The following DROSHA variants were observed in gnomAD, a reference collection of about 807,000 sequenced individuals.
The protein encoded by DROSHA is ribonuclease 3.
In DROSHA, 56 loss-of-function variants were observed where a neutral mutation model predicts 181.9. That is an observed-to-expected ratio of 0.31 (90% CI 0.25 to 0.38). The LOEUF (loss-of-function observed/expected upper bound fraction) is 0.38, where lower values mean the gene tolerates loss of function less well. DROSHA is among the 10% of genes least tolerant of loss of function. The pLI, the probability that DROSHA is intolerant of heterozygous loss-of-function variation, is 1.00. For missense variants in DROSHA, 1,218 were observed against 1,743.5 expected, an observed-to-expected ratio of 0.70 and a Z score of 5.37; for synonymous variants, 524 against 591.2, an observed-to-expected ratio of 0.89 and a Z score of 1.65.
intron 30 of DROSHA, among the ~76,000 whole-genome samples, chr5:31,413,615 G>T (rs1350980929): frequency 6.6e-6 from 1 of 152,220 alleles, no homozygotes; most frequent in Non-Finnish European, 1.5e-5. Context: ...ATCCTGAGAG[G>T]AGCAACGTGC....
chr5:31,474,337 C>T (rs1013022380), intron 16 of DROSHA, among the ~76,000 whole-genome samples: 34 of 151,836 alleles, frequency 2.2e-4, no homozygotes, highest in Non-Finnish European at 1.5e-5. Context: ...TGTTTGTGTT[C>T]CCCCAAATTT....
chr5:31,404,665 C>G (rs891940421), intron 35 of DROSHA, among the ~76,000 whole-genome samples: 1 of 152,188 alleles, frequency 6.6e-6, no homozygotes, highest in Admixed American at 6.5e-5. Flanking sequence ...GCACTTAAGC[C>G]TTCAGTTTAC....
intron 23 of DROSHA, among the ~76,000 whole-genome samples, chr5:31,441,900 C>T (rs1266097061): frequency 6.6e-6 from 1 of 152,132 alleles, no homozygotes; most frequent in Non-Finnish European, 1.5e-5. Flanking sequence ...AAGCAAGAAA[C>T]TGGGGACAAA....
At chr5:31,498,290 G>A (rs1381202048) in intron 11 of DROSHA, among the ~76,000 whole-genome samples, 1 of 151,884 alleles carries the variant, frequency 6.6e-6, no homozygotes, top group Non-Finnish European at 1.5e-5. Context: ...CTCCAGAGGG[G>A]GTTCAGACTA....
At chr5:31,510,724 G>C (rs1352365581) in intron 9 of DROSHA, among the ~76,000 whole-genome samples, 1 of 152,216 alleles carries the variant, frequency 6.6e-6, no homozygotes, top group Non-Finnish European at 1.5e-5. Flanking sequence ...CTGTCCTCAT[G>C]AGAGGCAGGG....
At chr5:31,453,325 CCA>C (rs1747254237) in intron 20 of DROSHA, among the ~76,000 whole-genome samples, 1 of 152,138 alleles carries the variant, frequency 6.6e-6, no homozygotes, top group South Asian at 2.1e-4. Flanking sequence ...CCACCAAACC[CCA>C]GTAGCTGGGA....
chr5:31,412,898 G>T (rs1741484550), intron 30 of DROSHA, among the ~76,000 whole-genome samples: 1 of 152,178 alleles, frequency 6.6e-6, no homozygotes, highest in African/African-American at 2.4e-5. Flanking sequence ...CTAAAGTAGA[G>T]GCTGTGGGGG....
At chr5:31,489,605 CT>C (rs1226139319) in intron 13 of DROSHA, among the ~76,000 whole-genome samples, 1 of 152,180 alleles carries the variant, frequency 6.6e-6, no homozygotes, top group Non-Finnish European at 1.5e-5. Context: ...ATATAAATGA[CT>C]ACCATCATGT....
In DROSHA at chr5:31,485,773, G is replaced by A. The variant is rs74623638; in HGVS notation, c.1914+718C>T. On this transcript the variant is annotated intron_variant, in intron 14 of 35. Coordinates refer to ENST00000344624, the MANE Select transcript of DROSHA (RefSeq NM_001382508.1). ...GCCAACTAGGCACACATGTGATGCC[G>A]ATCAATTTCCCCCTCCACACTCCCT... Among the ~76,000 whole-genome samples, 119 of 152,110 alleles carry A rather than the reference G, an allele frequency of 7.8e-4. No individual in the cohort carries two copies. In the East Asian group the frequency reaches 0.015, roughly 19 times the overall value.
intron 35 of DROSHA, among the ~76,000 whole-genome samples, chr5:31,403,089 C>CA (rs1242420892): frequency 2.6e-5 from 4 of 151,730 alleles, no homozygotes; most frequent in African/African-American, 2.4e-5. Flanking sequence ...TGATTTTAAA[C>CA]AAAAAAAGAA....
chr5:31,423,159 C>T lies in DROSHA; in HGVS notation c.3262-215G>A, dbSNP rs1422124125. ...CAAATAATATTTTCCAATCTTCTAT[C>T]AAATTTCAAGGCCAAGTACTGTACA... On this transcript the variant is annotated intron_variant, in intron 28 of 35. Transcript: ENST00000344624. The T allele has an allele frequency of 1.7e-5, 8 of 467,502 alleles. No individual in the cohort carries two copies. The Admixed American group carries it at 3.2e-4, about 19-fold the overall frequency. The allele number at this position is 467,502 out of a possible 1,614,324, so 29.0% of individuals were successfully genotyped here.
At chr5:31,417,787 C>T (rs1561126802) in intron 30 of DROSHA, among the ~76,000 whole-genome samples, 1 of 152,084 alleles carries the variant, frequency 6.6e-6, no homozygotes, top group African/African-American at 2.4e-5. Context: ...TGGCTGGTGT[C>T]GTCACAGTGT....
intron 25 of DROSHA, among the ~76,000 whole-genome samples, chr5:31,435,489 A>T (rs1322350141): frequency 6.6e-6 from 1 of 152,162 alleles, no homozygotes; most frequent in East Asian, 1.9e-4. Flanking sequence ...CTTTTCCCCA[A>T]ATGTTTAACT....
At chr5:31,426,834 A>G (rs763369593) in intron 27 of DROSHA, among the ~76,000 whole-genome samples, 1 of 152,156 alleles carries the variant, frequency 6.6e-6, no homozygotes, top group Non-Finnish European at 1.5e-5. Context: ...TGTGGTATGA[A>G]TGATGGACTG....
chr5:31,483,464 G>T, intron 16 of DROSHA, 90 bp downstream of exon 16: 1 of 1,285,866 alleles, frequency 7.8e-7, no homozygotes, highest in Non-Finnish European at 1.1e-6. Context: ...TCGAAGGTGG[G>T]AAAGTTGTCC....
At chr5:31,499,962 G>C (rs1482764906) in intron 11 of DROSHA, among the ~76,000 whole-genome samples, 1 of 152,210 alleles carries the variant, frequency 6.6e-6, no homozygotes, top group Non-Finnish European at 1.5e-5. Flanking sequence ...TTACCTGTGA[G>C]AGGGGCCAAG....
At chr5:31,412,216 C>T (rs948846579) in intron 30 of DROSHA, among the ~76,000 whole-genome samples, 2 of 152,110 alleles carry the variant, frequency 1.3e-5, no homozygotes, top group Non-Finnish European at 2.9e-5. Context: ...TGGGAACTCA[C>T]CAAACAAAAA....
At chr5:31,434,283 T>A (rs1744536566) in intron 25 of DROSHA, among the ~76,000 whole-genome samples, 2 of 152,220 alleles carry the variant, frequency 1.3e-5, no homozygotes, top group African/African-American at 4.8e-5. Flanking sequence ...TTCCATTACA[T>A]CCAAAACTAA....
intron 16 of DROSHA, among the ~76,000 whole-genome samples, chr5:31,481,959 G>C (rs1751078399): frequency 6.6e-6 from 1 of 152,198 alleles, no homozygotes; most frequent in African/African-American, 2.4e-5. Context: ...GTCTGGCACT[G>C]AAGCAAAACT....
Sources: allele counts gnomAD v4.1 joint callset (sites outside exome capture counted in the v4.1 genomes callset), GRCh38; gene constraint gnomAD v4.1.1; transcripts MANE v1.5; gene names NCBI Gene and HGNC (gene_info 2026-07-23, HGNC 2026-07-21).